SIDT2: variants seen among roughly 807,000 people sequenced by gnomAD.
SIDT2 encodes SID1 transmembrane family, member 2.
SIDT2 carries 68 observed loss-of-function variants against 114.4 expected under a neutral mutation model. The observed-to-expected ratio is 0.59, with a 90% CI of 0.49 to 0.73. The LOEUF (loss-of-function observed/expected upper bound fraction) is 0.73. Ranked by LOEUF, SIDT2 falls within the 30% of genes least tolerant of loss-of-function variation. SIDT2 has a pLI of 0.00. For synonymous variants in SIDT2, 470 were observed against 438.4 expected, an observed-to-expected ratio of 1.07 and a Z score of -0.90; for missense variants, 918 against 1,097.1, an observed-to-expected ratio of 0.84 and a Z score of 2.31.
intron 4 of SIDT2, chr11:117,182,316 C>G: frequency 1.4e-6 from 1 of 707,518 alleles, no homozygotes; most frequent in Non-Finnish European, 2.4e-6. Flanking sequence ...CTCTGGCATT[C>G]TGCTGAGTGC....
chr11:117,181,740 C>T (rs1162941593), intron 2 of SIDT2, 67 bp from the exon 3 acceptor site: 17 of 1,604,904 alleles, frequency 1.1e-5, no homozygotes, highest in African/African-American at 6.7e-5. Context: ...GGTGGGGCCT[C>T]GCTCCTCTGG....
Position 117,186,625 on chromosome 11 carries a change from GCCCAGAAAGCGGTACC to G in SIDT2, c.1005_1015+5del. On this transcript the variant is annotated splice_donor_variant and splice_donor_5th_base_variant and coding_sequence_variant and intron_variant, in exon 10 of 26. Coordinates refer to ENST00000324225, the MANE Select transcript of SIDT2 (RefSeq NM_001040455.2). LOFTEE classifies it high-confidence loss of function. ...CTGCTGGTGGCCATTGACCGAGCCT[GCCCAGAAAGCGGTACC>G]TCCAGGGGGCCTGGGTGGGGCGGGC... 6.4e-7 allele frequency: 1 copy of G among 1,568,304 alleles called. No homozygotes were observed. Among genetic ancestry groups the G allele is most frequent in the Non-Finnish European group, 8.6e-7 (1 of 1,161,186 alleles).
intron 9 of SIDT2, 56 bp from the exon 10 acceptor site, chr11:117,186,528 A>G: frequency 6.7e-7 from 1 of 1,487,196 alleles, no homozygotes; most frequent in Non-Finnish European, 9.1e-7. Context: ...TCAGCCCCAT[A>G]CAGAGTGATC....
At position 117,196,873 on chromosome 11, in the gene SIDT2, C is replaced by G. The variant is rs2030913750; in HGVS notation, c.*807C>G. 6.5e-6 allele frequency: 1 copy of G among 152,804 alleles called. No individual in the cohort carries two copies. Among genetic ancestry groups the G allele is most frequent in the African/African-American group, 2.4e-5 (1 of 41,452 alleles). The allele number at this position is 152,804 out of a possible 1,614,324, so 9.5% of individuals were successfully genotyped here. On this transcript the variant is annotated 3_prime_UTR_variant, in exon 26 of 26. Coordinates refer to ENST00000324225, the MANE Select transcript of SIDT2 (RefSeq NM_001040455.2). The surrounding 1 kb of genome is among the most constrained non-coding windows in gnomAD (Gnocchi z 4.9). Reference sequence around the variant, plus strand: ...CCCCTTCCCTTCCTTCTTTCCAGGCCCTTAGTCTTGCCAAACCCCAGCTGG... The same window carrying G: ...CCCCTTCCCTTCCTTCTTTCCAGGCGCTTAGTCTTGCCAAACCCCAGCTGG...
chr11:117,190,024 A>G lies in SIDT2; in HGVS notation c.1492A>G (p.Ser498Gly). The G allele has an allele frequency of 6.2e-7, 1 of 1,611,618 alleles. No homozygotes were observed. Among genetic ancestry groups the G allele is most frequent in the Non-Finnish European group, 8.5e-7 (1 of 1,177,842 alleles). ...CTGCGCCCACCCACTGGGCAATCTC[A>G]GGTGGGGGTCATGCTGGGAGGCCCC... is the stretch of plus-strand genomic sequence containing the variant. ...FLCAHPLGNL[S>G]AFNNILSNLG... Residue 498 changes from serine (S) to glycine (G), a missense_variant and splice_region_variant, in exon 16 of 26, where the codon AGC becomes GGC. Ser to Gly is a moderately conservative substitution (Grantham distance 56). Coordinates refer to ENST00000324225, the MANE Select transcript of SIDT2 (RefSeq NM_001040455.2). This position sits in a 1 kb window ranked among gnomAD's most constrained non-coding sequence, Gnocchi z 4.1.
intron 6 of SIDT2, 137 bp from the exon 7 acceptor site, chr11:117,183,638 CAAAA>C: frequency 1.9e-6 from 1 of 528,402 alleles, no homozygotes; most frequent in Non-Finnish European, 3.1e-6. Context: ...AACTCCGTCT[CAAAA>C]AAAAAAAAAA....
intron 1 of SIDT2, among the ~76,000 whole-genome samples, chr11:117,180,961 G>T (rs2030261977): frequency 6.6e-6 from 1 of 152,172 alleles, no homozygotes; most frequent in Admixed American, 6.5e-5. Flanking sequence ...CTGGGCTCTG[G>T]CCCCAGGTTA....
intron 23 of SIDT2, 83 bp downstream of exon 23, chr11:117,193,341 T>A: frequency 8.3e-7 from 1 of 1,211,892 alleles, no homozygotes; most frequent in Non-Finnish European, 1.2e-6. Flanking sequence ...TGAGGGGCAG[T>A]GAGAAGTTTT....
chr11:117,192,100 T>A lies in SIDT2; in HGVS notation c.1872+86T>A. Reference sequence around the variant, plus strand: ...CACGTAGTGCACACCCTCCGCCACCTCCTGCATGAGAGATTCCTGCTCCTT... The same window carrying A: ...CACGTAGTGCACACCCTCCGCCACCACCTGCATGAGAGATTCCTGCTCCTT... On this transcript the variant is annotated intron_variant, in intron 19 of 25. Coordinates refer to ENST00000324225, the MANE Select transcript of SIDT2 (RefSeq NM_001040455.2). This position sits in a 1 kb window ranked among gnomAD's most constrained non-coding sequence, Gnocchi z 5.9. 1.9e-6 allele frequency: 3 copies of A among 1,587,308 alleles called. No homozygotes were observed. Among genetic ancestry groups the A allele is most frequent in the Non-Finnish European group, 2.6e-6 (3 of 1,162,788 alleles).
chr11:117,189,108 C>A, intron 13 of SIDT2, 61 bp from the exon 14 acceptor site: 1 of 1,557,366 alleles, frequency 6.4e-7, no homozygotes, highest in Non-Finnish European at 8.9e-7. Flanking sequence ...CCACCTCTAA[C>A]CTGGGGGAGG....
chr11:117,193,261 G>C lies in SIDT2; in HGVS notation c.2211+3G>C. The C allele has an allele frequency of 6.2e-7, 1 of 1,611,960 alleles. No individual in the cohort carries two copies. The highest frequency in any genetic ancestry group is 8.5e-7 in the Non-Finnish European group (1 of 1,178,592). ...TCGCCTTCTACATCATCATGAAGGT[G>C]AGTGGGGCTGGCCAAGCCCCCTCTG... On this transcript the variant is annotated splice_donor_region_variant and intron_variant, in intron 23 of 25. Coordinates refer to ENST00000324225, the MANE Select transcript of SIDT2 (RefSeq NM_001040455.2).
chr11:117,193,765 G>A (rs1011080006), intron 23 of SIDT2, 88 bp from the exon 24 acceptor site: 1 of 949,808 alleles, frequency 1.1e-6, no homozygotes, highest in Admixed American at 1.9e-5. Context: ...AGGCCATGAG[G>A]AAAGGGAATC....
rs2030174426 is a variant in SIDT2 at position 117,179,431 on chromosome 11, T to C, written c.168T>C (p.Thr56=). 6.2e-7 allele frequency: 1 copy of C among 1,613,470 alleles called. No individual in the cohort carries two copies. Among genetic ancestry groups the C allele is most frequent in the Non-Finnish European group, 8.5e-7 (1 of 1,179,654 alleles). ...TCAACATCTACACCTTCAACCATAC[T>C]GTGACCCGCAACAGGGTGAGGGCTG... ...ELVNIYTFNH[T]VTRNRTEGVR... Residue 56 remains threonine (T), a synonymous_variant, in exon 1 of 26, where the codon ACT becomes ACC. Transcript: ENST00000324225.
chr11:117,179,226 G>GCCGCCACCGCCA lies in SIDT2; in HGVS notation c.-30_-29insGCCACCGCCACC, dbSNP rs548003514. On this transcript the variant is annotated 5_prime_UTR_variant, in exon 1 of 26. Coordinates refer to ENST00000324225, the MANE Select transcript of SIDT2 (RefSeq NM_001040455.2). ...TGTCCTGTCTCCTGTCGCCGCCGCC[G>GCCGCCACCGCCA]CCGCCACCACCGCTGCCACTGCCGC... is the stretch of plus-strand genomic sequence containing the variant. 1 of 1,591,164 alleles carries GCCGCCACCGCCA rather than the reference G, an allele frequency of 6.3e-7. No individual in the cohort carries two copies. Among genetic ancestry groups the GCCGCCACCGCCA allele is most frequent in the African/African-American group, 1.4e-5 (1 of 73,980 alleles).
rs745911846 is a variant in SIDT2 at position 117,186,685 on chromosome 11, TG to T, written c.1015+55del. ...GGCGGGCACAGTGTGCTTTGTGTTT[TG>T]GGGGGTGGTGGTGGATGGTTCCCTA... On this transcript the variant is annotated intron_variant, in intron 10 of 25. Transcript: ENST00000324225. 7 of 1,231,634 alleles carry T rather than the reference TG, an allele frequency of 5.7e-6. No homozygotes were observed. In the South Asian group the frequency reaches 1.0e-4, roughly 18 times the overall value. The allele number at this position is 1,231,634 out of a possible 1,614,324, so 76.3% of individuals were successfully genotyped here.
At chr11:117,191,632 A>G (rs1698452181) in intron 18 of SIDT2, 1 of 558,894 alleles carries the variant, frequency 1.8e-6, no homozygotes, top group Admixed American at 3.3e-5. Flanking sequence ...ACAGACTAAG[A>G]CACAGACCAA....
Position 117,187,387 on chromosome 11 carries a change from G to T in SIDT2, c.1025G>T (p.Arg342Leu). Reference sequence around the variant, plus strand: ...TGACTTCTCATTGCAGGTCACCCTCGAGTCCTGGCTGATTCTTTTCCTGGC... The same window carrying T: ...TGACTTCTCATTGCAGGTCACCCTCTAGTCCTGGCTGATTCTTTTCCTGGC... ...DRACPESGHP[R>L]VLADSFPGSS... The change falls in exon 11 of 26, where the codon CGA (arginine) becomes CTA (leucine). Residue 342 changes from arginine to leucine, a missense_variant. Physicochemically the swap from Arg to Leu is moderately radical, Grantham distance 102 (BLOSUM62 -2). Transcript: ENST00000324225. 6.2e-7 allele frequency: 1 copy of T among 1,614,004 alleles called. No homozygotes were observed. Among genetic ancestry groups the T allele is most frequent in the Admixed American group, 1.7e-5 (1 of 60,008 alleles).
chr11:117,191,530 G>A, intron 18 of SIDT2: 1 of 247,906 alleles, frequency 4.0e-6, no homozygotes, highest in Non-Finnish European at 7.8e-6. Context: ...GTTGCAGTGA[G>A]CCGAGATCCC....
At chr11:117,194,306 C>CT (rs1366565556) in intron 24 of SIDT2, among the ~76,000 whole-genome samples, 3 of 152,078 alleles carry the variant, frequency 2.0e-5, no homozygotes, top group South Asian at 2.1e-4. Context: ...GGCCATGTCT[C>CT]TAAAAAAAAA....
Sources: allele counts gnomAD v4.1 joint callset (sites outside exome capture counted in the v4.1 genomes callset), GRCh38; gene constraint gnomAD v4.1.1; non-coding constraint Gnocchi (gnomAD v3.1); transcripts MANE v1.5; gene names NCBI Gene and HGNC (gene_info 2026-07-23, HGNC 2026-07-21).